XRCC4: variants seen among roughly 807,000 people sequenced by gnomAD.
The protein encoded by XRCC4 is DNA repair protein XRCC4.
Under a neutral mutation model 39.1 loss-of-function variants are expected in XRCC4, and 28 were observed. That is an observed-to-expected ratio of 0.72 (90% CI 0.53 to 0.98). The LOEUF (loss-of-function observed/expected upper bound fraction) is 0.98. Among genes scored for constraint, XRCC4 ranks in the 50% least tolerant of loss-of-function variants. The pLI is 0.00. For missense variants in XRCC4, 350 were observed against 376.4 expected, an observed-to-expected ratio of 0.93 and a Z score of 0.58; for synonymous variants, 123 against 126.4, an observed-to-expected ratio of 0.97 and a Z score of 0.18.
chr5:83,088,684 T>C (rs1457967813), intron 1 of XRCC4, among the ~76,000 whole-genome samples: 1 of 152,210 alleles, frequency 6.6e-6, no homozygotes, highest in African/African-American at 2.4e-5. Context: ...TTTTTTTTTC[T>C]AAGACATGTA....
At chr5:83,242,054 G>A (rs961919461) in intron 6 of XRCC4, among the ~76,000 whole-genome samples, 1 of 146,274 alleles carries the variant, frequency 6.8e-6, no homozygotes, top group East Asian at 2.0e-4. Flanking sequence ...GGGGAAGCAG[G>A]AGAGGCAGGC....
intron 6 of XRCC4, among the ~76,000 whole-genome samples, chr5:83,205,423 T>C (rs891856709): frequency 2.7e-5 from 4 of 149,874 alleles, no homozygotes; most frequent in African/African-American, 9.8e-5. Context: ...GGCAGTTTAG[T>C]ACAAAGTACC....
chr5:83,146,521 T>C (rs1748460899), intron 3 of XRCC4, among the ~76,000 whole-genome samples: 1 of 152,212 alleles, frequency 6.6e-6, no homozygotes, highest in East Asian at 1.9e-4. Context: ...TCAAAATTGC[T>C]TAAAATTGAT....
intron 3 of XRCC4, among the ~76,000 whole-genome samples, chr5:83,164,381 C>T (rs1284586197): frequency 6.6e-6 from 1 of 152,070 alleles, no homozygotes; most frequent in East Asian, 1.9e-4. Flanking sequence ...AATTGTTGCT[C>T]TTTAGACATT....
downstream of XRCC4, among the ~76,000 whole-genome samples, chr5:83,357,523 G>C (rs1232070367): frequency 1.3e-5 from 2 of 152,140 alleles, no homozygotes; most frequent in African/African-American, 2.4e-5. Flanking sequence ...AGGTACTGGG[G>C]CTGGGTTTGG....
chr5:83,149,239 T>C (rs1748598455), intron 3 of XRCC4, among the ~76,000 whole-genome samples: 1 of 152,206 alleles, frequency 6.6e-6, no homozygotes, highest in Non-Finnish European at 1.5e-5. Flanking sequence ...CATGGTATTC[T>C]GCTGTTCGCA....
chr5:83,195,218 C>T (rs1002547100), intron 3 of XRCC4, among the ~76,000 whole-genome samples: 1 of 151,950 alleles, frequency 6.6e-6, no homozygotes. Flanking sequence ...AGTACTAAAG[C>T]TTGACACTTA....
rs143605703 is a variant in XRCC4, at chr5:83,223,700, A to G, written c.745+18779A>G. Among the ~76,000 whole-genome samples the G allele has an allele frequency of 2.7e-3, 411 of 150,806 alleles. 12 individuals are homozygous for G. The East Asian group carries it at 0.069, about 25-fold the overall frequency. On this transcript the variant is annotated intron_variant, in intron 6 of 7. Transcript: ENST00000396027. The stretch of plus-strand genomic sequence containing the variant: ...TGTTTTTTGTTTTTTGTTTTATTAT[A>G]CTTTAAGTTCTAGGGTACATGTGTA...
At chr5:83,166,891 T>G (rs540995031) in intron 3 of XRCC4, among the ~76,000 whole-genome samples, 1 of 151,656 alleles carries the variant, frequency 6.6e-6, no homozygotes, top group South Asian at 2.1e-4. Context: ...GGTTTTTTGT[T>G]TTTTTTTTGA....
At chr5:83,216,109 C>T (rs899611164) in intron 6 of XRCC4, among the ~76,000 whole-genome samples, 5 of 151,886 alleles carry the variant, frequency 3.3e-5, no homozygotes, top group South Asian at 2.1e-4. Flanking sequence ...ATATTTACAA[C>T]TCAATAATAA....
chr5:83,313,929 A>G (rs1164034815), intron 7 of XRCC4, among the ~76,000 whole-genome samples: 1 of 137,620 alleles, frequency 7.3e-6, no homozygotes, highest in African/African-American at 3.1e-5. Context: ...AAAGACAGTA[A>G]TGTTGTATGT....
At chr5:83,137,623 A>G (rs1747962152) in intron 3 of XRCC4, among the ~76,000 whole-genome samples, 1 of 152,152 alleles carries the variant, frequency 6.6e-6, no homozygotes, top group Non-Finnish European at 1.5e-5. Flanking sequence ...TCAGCACTGC[A>G]CCTTTCAAGG....
chr5:83,117,456 T>G (rs770730955), intron 3 of XRCC4, among the ~76,000 whole-genome samples: 85 of 152,332 alleles, frequency 5.6e-4, no homozygotes, highest in Admixed American at 1.1e-3. Flanking sequence ...CTCTGTTTCT[T>G]TAGAAAAATA....
chr5:83,237,967 A>T (rs1752754424), intron 6 of XRCC4, among the ~76,000 whole-genome samples: 1 of 152,170 alleles, frequency 6.6e-6, no homozygotes. Context: ...CATTCCAGTA[A>T]TTAAATATGT....
chr5:83,272,839 G>C (rs967923567), intron 7 of XRCC4, among the ~76,000 whole-genome samples: 3 of 152,174 alleles, frequency 2.0e-5, no homozygotes, highest in Non-Finnish European at 4.4e-5. Context: ...ATGGGCATTT[G>C]GGTTGGTTCC....
At chr5:83,356,697 C>T (rs879391408), downstream of XRCC4, 24 of 454,440 alleles carry the variant, frequency 5.3e-5, no homozygotes, top group Middle Eastern at 3.2e-4. Context: ...TTCCATACCA[C>T]GTTTTCTCCT....
At chr5:83,178,517 A>G (rs967714713) in intron 3 of XRCC4, among the ~76,000 whole-genome samples, 2 of 152,166 alleles carry the variant, frequency 1.3e-5, no homozygotes, top group Non-Finnish European at 2.9e-5. Context: ...CCAGGCAAGT[A>G]TGGTGTCAGA....
At chr5:83,190,870 C>T (rs915609557) in intron 3 of XRCC4, among the ~76,000 whole-genome samples, 8 of 152,194 alleles carry the variant, frequency 5.3e-5, no homozygotes, top group Non-Finnish European at 8.8e-5. Flanking sequence ...ATTAAGCAAT[C>T]TTTAACTGTG....
At chr5:83,279,511 A>G (rs1428125805) in intron 7 of XRCC4, among the ~76,000 whole-genome samples, 1 of 152,198 alleles carries the variant, frequency 6.6e-6, no homozygotes, top group Non-Finnish European at 1.5e-5. Flanking sequence ...TGATTACTCA[A>G]ATACCCTAAG....
Sources: allele counts gnomAD v4.1 joint callset (sites outside exome capture counted in the v4.1 genomes callset), GRCh38; gene constraint gnomAD v4.1.1; transcripts MANE v1.5; gene names NCBI Gene and HGNC (gene_info 2026-07-23, HGNC 2026-07-21).